AHCYL1: variants seen among roughly 807,000 people sequenced by gnomAD.
AHCYL1 encodes adenosylhomocysteinase like 1.
In AHCYL1, 20 loss-of-function variants were observed where a neutral mutation model predicts 79.3. The observed-to-expected ratio is 0.25, with a 90% CI of 0.18 to 0.37. The LOEUF (loss-of-function observed/expected upper bound fraction) is 0.37, where lower values mean the gene tolerates loss of function less well. AHCYL1 is among the 10% of genes least tolerant of loss of function. The probability of loss-of-function intolerance (pLI) is 1.00; values close to 1 mark genes in which losing one functional copy is unlikely to be tolerated. For synonymous variants in AHCYL1, 223 were observed against 242.2 expected, an observed-to-expected ratio of 0.92 and a Z score of 0.74; for missense variants, 330 against 673.6, an observed-to-expected ratio of 0.49 and a Z score of 5.65.
intron 1 of AHCYL1, chr1:110,003,959 AAG>A (rs1456124131): frequency 2.0e-6 from 2 of 985,270 alleles, no homozygotes; most frequent in South Asian, 4.7e-5. Context: ...GTCTTACAGG[AAG>A]AGAGGGGAGT....
chr1:110,018,564 A>G lies in AHCYL1; in HGVS notation c.1231A>G (p.Thr411Ala). 6 of 1,613,896 alleles carry G rather than the reference A, an allele frequency of 3.7e-6. No individual in the cohort carries two copies. The highest frequency in any genetic ancestry group is 5.1e-6 in the Non-Finnish European group (6 of 1,179,990). ...TTCTTCCTTTCAGACCAGCCTCCGC[A>G]CTCCGGAGCTGACGTGGGAGCGAGT... ...NTEIDVTSLR[T>A]PELTWERVRS... is the part of the protein sequence containing the mutation. The change falls in exon 13 of 17, where the codon ACT becomes GCT. Residue 411 changes from threonine to alanine, a missense_variant. By Grantham distance (58) the Thr-to-Ala change is moderately conservative. Coordinates refer to ENST00000369799, the MANE Select transcript of AHCYL1 (RefSeq NM_006621.7).
intron 1 of AHCYL1, among the ~76,000 whole-genome samples, chr1:109,994,440 GTGTTTTTTT>G (rs1003881063): frequency 3.3e-5 from 5 of 151,232 alleles, no homozygotes; most frequent in African/African-American, 1.2e-4. Flanking sequence ...ATTTTTTTTG[GTGTTTTTTT>G]TGTTTTTGTT....
intron 1 of AHCYL1, among the ~76,000 whole-genome samples, chr1:109,987,752 A>G (rs141081450): frequency 5.8e-4 from 89 of 152,350 alleles, no homozygotes; most frequent in African/African-American, 1.8e-3. Context: ...TCACACTGCT[A>G]TGAACAAAAT....
At chr1:110,011,075 G>C in intron 2 of AHCYL1, 139 bp from the exon 3 acceptor site, 1 of 1,071,658 alleles carries the variant, frequency 9.3e-7, no homozygotes, top group Non-Finnish European at 1.3e-6. Flanking sequence ...TAGAGGAGCA[G>C]AACTGAGAGC....
chr1:110,018,950 G>C (rs1441278049), intron 13 of AHCYL1, 101 bp from the exon 14 acceptor site: 1 of 1,068,612 alleles, frequency 9.4e-7, no homozygotes, highest in African/African-American at 1.6e-5. Flanking sequence ...TCTTCCAACT[G>C]AGTCTAGAGG....
intron 1 of AHCYL1, among the ~76,000 whole-genome samples, chr1:110,006,516 A>G (rs1426121812): frequency 6.6e-6 from 1 of 152,208 alleles, no homozygotes; most frequent in Admixed American, 6.5e-5. Flanking sequence ...GTCCAACCCA[A>G]TCAGAAGGCT....
intron 1 of AHCYL1, among the ~76,000 whole-genome samples, chr1:110,000,680 G>C (rs1226294568): frequency 1.3e-5 from 2 of 151,806 alleles, no homozygotes; most frequent in African/African-American, 2.4e-5. Flanking sequence ...GAAAGCTGCT[G>C]TTTCCCCAGC....
chr1:109,989,909 A>C (rs1649665688), intron 1 of AHCYL1, among the ~76,000 whole-genome samples: 1 of 152,246 alleles, frequency 6.6e-6, no homozygotes, highest in Non-Finnish European at 1.5e-5. Context: ...CTAGCCTGAA[A>C]TCTGAGAATC....
chr1:109,984,962 G>A lies in AHCYL1; in HGVS notation c.-91G>A. 1.5e-6 allele frequency: 2 copies of A among 1,359,284 alleles called. No homozygotes were observed. The highest frequency in any genetic ancestry group is 3.6e-5 in the South Asian group (2 of 54,894). 84.2% of individuals were successfully genotyped at this position (1,359,284 alleles called of 1,614,324 possible). On this transcript the variant is annotated 5_prime_UTR_variant, in exon 1 of 17. Transcript: ENST00000369799. ...CCGGCAGGAGGGTGGGCGATCGCGT[G>A]TCGGAGGGCGCCGCGCGGGCAGGCG...
At chr1:109,989,609 G>A (rs1191652283) in intron 1 of AHCYL1, among the ~76,000 whole-genome samples, 1 of 152,150 alleles carries the variant, frequency 6.6e-6, no homozygotes, top group Non-Finnish European at 1.5e-5. Context: ...CCTAGCAAGT[G>A]TACTCTGCCA....
In AHCYL1 at chr1:110,018,473, G is replaced by C. The variant is rs764702011; in HGVS notation, c.1218+6G>C. 10 of 1,613,962 alleles carry C rather than the reference G, an allele frequency of 6.2e-6. No individual in the cohort carries two copies. The highest frequency in any genetic ancestry group is 1.3e-5 in the African/African-American group (1 of 74,868). On this transcript the variant is annotated splice_donor_region_variant and intron_variant, in intron 12 of 16. Coordinates refer to ENST00000369799, the MANE Select transcript of AHCYL1 (RefSeq NM_006621.7). Reference sequence around the variant, plus strand: ...CCAACACAGAAATCGATGTGGTAAGGCTTCTCTCATTTGTTGCTAGGCATT... The same window carrying C: ...CCAACACAGAAATCGATGTGGTAAGCCTTCTCTCATTTGTTGCTAGGCATT...
At chr1:110,008,211 G>A (rs959132676) in intron 1 of AHCYL1, among the ~76,000 whole-genome samples, 9 of 151,808 alleles carry the variant, frequency 5.9e-5, no homozygotes, top group East Asian at 1.9e-4. Flanking sequence ...TAGTAGAGAC[G>A]GGGCTTCACC....
chr1:109,985,603 CCAA>C, intron 1 of AHCYL1: 1 of 955,460 alleles, frequency 1.0e-6, no homozygotes, highest in South Asian at 4.7e-5. Flanking sequence ...GCCGCTTTAT[CCAA>C]CAACTGCGTG....
intron 1 of AHCYL1, chr1:110,004,274 A>G: frequency 3.0e-6 from 3 of 985,482 alleles, no homozygotes; most frequent in Non-Finnish European, 3.6e-6. Flanking sequence ...CTCAGGCCCC[A>G]TCTGGGGAGA....
rs573197741 is a variant in AHCYL1, at chr1:109,985,389, A to G, written c.120+217A>G. 33 of 1,293,922 alleles carry G rather than the reference A, an allele frequency of 2.6e-5. No individual in the cohort carries two copies. The African/African-American group carries it at 4.0e-4, about 16-fold the overall frequency. The allele number at this position is 1,293,922 out of a possible 1,614,324, so 80.2% of individuals were successfully genotyped here. A position where few individuals can be genotyped will look rare whatever the true frequency, so the allele number is the denominator to read the frequency against. On this transcript the variant is annotated intron_variant, in intron 1 of 16. Coordinates refer to ENST00000369799, the MANE Select transcript of AHCYL1 (RefSeq NM_006621.7). ...TGTCCCTCGGCCCAAGTCCTCCGGG[A>G]TCGTTTTGAAACCCGACAGGGCCAG... is the stretch of plus-strand genomic sequence containing the variant.
chr1:110,017,639 G>T, intron 10 of AHCYL1, 56 bp downstream of exon 10: 1 of 1,550,520 alleles, frequency 6.4e-7, no homozygotes. Context: ...ATGTTATTGA[G>T]AGTTCATAAT....
intron 1 of AHCYL1, among the ~76,000 whole-genome samples, chr1:110,005,665 A>C (rs1304147816): frequency 6.6e-6 from 1 of 152,122 alleles, no homozygotes; most frequent in African/African-American, 2.4e-5. Context: ...TAGCAGGCAA[A>C]ATTGGGTGGG....
chr1:109,992,547 T>C (rs951075183), intron 1 of AHCYL1, among the ~76,000 whole-genome samples: 6 of 152,276 alleles, frequency 3.9e-5, no homozygotes, highest in African/African-American at 1.4e-4. Flanking sequence ...ATTTTGGGGA[T>C]GTAGAAAATA....
At chr1:110,008,987 TG>T in intron 1 of AHCYL1, 46 bp from the exon 2 acceptor site, 3 of 1,440,168 alleles carry the variant, frequency 2.1e-6, no homozygotes, top group Non-Finnish European at 2.9e-6. Context: ...AAACATTTCA[TG>T]GATTTTCCTT....
Sources: gnomAD v4.1 joint callset for allele counts (sites outside exome capture counted in the v4.1 genomes callset) on GRCh38, gnomAD v4.1.1 for gene constraint, MANE v1.5 for transcripts, NCBI Gene and HGNC (gene_info 2026-07-23, HGNC 2026-07-21) for gene names.